The following HYDIN variants were observed in gnomAD, a reference collection of about 807,000 sequenced individuals.
The protein encoded by HYDIN is HYDIN axonemal central pair apparatus protein.
Under a neutral mutation model 403.9 loss-of-function variants are expected in HYDIN, and 132 were observed. The observed-to-expected ratio is 0.33, with a 90% CI of 0.28 to 0.38. The LOEUF is 0.38. Ranked by LOEUF, HYDIN falls within the 10% of genes least tolerant of loss-of-function variation. HYDIN has a pLI of 1.00. For synonymous variants in HYDIN, 1,202 were observed against 1,891.7 expected (o/e 0.64, Z 9.46); for missense variants, 2,827 against 5,009.5 (o/e 0.56, Z 13.15).
intron 58 of HYDIN, 27 bp from the exon 59 acceptor site, chr16:70,884,151 G>C (rs895563598): frequency 6.5e-7 from 1 of 1,540,852 alleles, no homozygotes; most frequent in Non-Finnish European, 8.8e-7. Context: ...GGAGGGATAG[G>C]AGGCTTGGAG....
At chr16:71,173,727 C>A (rs1420023885) in intron 5 of HYDIN, among the ~76,000 whole-genome samples, 1 of 152,078 alleles carries the variant, frequency 6.6e-6, no homozygotes, top group African/African-American at 2.4e-5. Context: ...CTGAAAAGCA[C>A]AAATATAAAT....
intron 16 of HYDIN, among the ~76,000 whole-genome samples, chr16:71,063,740 C>G (rs563954649): frequency 4.6e-5 from 7 of 152,262 alleles, no homozygotes; most frequent in Admixed American, 3.3e-4. Flanking sequence ...CTGTGTTATC[C>G]TAGCTAATTC....
At chr16:70,962,231 G>A (rs1430282560) in intron 37 of HYDIN, 93 bp from the exon 38 acceptor site, 7 of 719,972 alleles carry the variant, frequency 9.7e-6, no homozygotes, top group Non-Finnish European at 1.5e-5. Flanking sequence ...AGATGAAGAA[G>A]AGATTCACCA....
At chr16:71,152,855 G>C in intron 6 of HYDIN, 72 bp from the exon 7 acceptor site, 1 of 1,427,408 alleles carries the variant, frequency 7.0e-7, no homozygotes, top group Non-Finnish European at 9.7e-7. Context: ...AAAGGAGACA[G>C]GAGTTCTAGT....
chr16:71,061,462 G>A (rs1229977009), intron 17 of HYDIN, among the ~76,000 whole-genome samples: 1 of 152,272 alleles, frequency 6.6e-6, no homozygotes, highest in Non-Finnish European at 1.5e-5. Context: ...GGAATACAGA[G>A]CCTGTTGGGC....
intron 15 of HYDIN, chr16:71,067,019 C>T: frequency 1.5e-6 from 1 of 659,450 alleles, no homozygotes; most frequent in South Asian, 1.7e-5. Context: ...GAAAGTCAAA[C>T]CCGTTAGAGA....
chr16:71,129,312 T>TATCCTC (rs2144511410), intron 9 of HYDIN, among the ~76,000 whole-genome samples: 1 of 150,610 alleles, frequency 6.6e-6, no homozygotes, highest in South Asian at 2.2e-4. Context: ...TCTGTCTTAA[T>TATCCTC]ATCCTCATCT....
intron 49 of HYDIN, among the ~76,000 whole-genome samples, chr16:70,907,769 T>G (rs2076576068): frequency 6.6e-6 from 1 of 151,852 alleles, no homozygotes; most frequent in Admixed American, 6.6e-5. Context: ...CTGAAAACAT[T>G]CCTGAGAATC....
intron 4 of HYDIN, among the ~76,000 whole-genome samples, chr16:71,178,500 CAT>C (rs1339482553): frequency 6.8e-6 from 1 of 146,090 alleles, no homozygotes; most frequent in Non-Finnish European, 1.5e-5. Context: ...TACAGACATA[CAT>C]ATATATATGC....
chr16:71,229,806 T>C (rs1292432723), intron 1 of HYDIN, among the ~76,000 whole-genome samples: 1 of 152,238 alleles, frequency 6.6e-6, no homozygotes, highest in African/African-American at 2.4e-5. Context: ...TCATTCTACA[T>C]ACTTATTGCA....
In HYDIN at chr16:70,908,877, G is replaced by A. The variant is rs577262301; in HGVS notation, c.8005-16C>T. ...CCTCTTGAGCCTTAATTAAAAACGA[G>A]CATGAGGTCTTAAATATTCACTTTT... On this transcript the variant is annotated splice_polypyrimidine_tract_variant and intron_variant, in intron 47 of 85. Transcript: ENST00000393567. The A allele has an allele frequency of 1.9e-6, 3 of 1,610,252 alleles. No homozygotes were observed. The highest frequency in any genetic ancestry group is 2.2e-5 in the South Asian group (2 of 90,568).
At chr16:70,914,184 G>C (rs568331556) in intron 47 of HYDIN, among the ~76,000 whole-genome samples, 5 of 151,872 alleles carry the variant, frequency 3.3e-5, no homozygotes, top group African/African-American at 1.2e-4. Context: ...GTGTACCTTG[G>C]TTTTTTGCTT....
At chr16:71,022,962 T>C (rs1295249892) in intron 21 of HYDIN, among the ~76,000 whole-genome samples, 1 of 151,780 alleles carries the variant, frequency 6.6e-6, no homozygotes, top group Non-Finnish European at 1.5e-5. Context: ...TATTAGTGTT[T>C]ATGGGCTTAG....
intron 1 of HYDIN, among the ~76,000 whole-genome samples, chr16:71,205,420 G>A (rs117077730): frequency 6.6e-6 from 1 of 152,324 alleles, no homozygotes; most frequent in East Asian, 1.9e-4. Context: ...GGGAATGAGA[G>A]AATCATCCTG....
At chr16:70,814,826 C>CA (rs1243197183) in intron 84 of HYDIN, among the ~76,000 whole-genome samples, 1 of 150,724 alleles carries the variant, frequency 6.6e-6, no homozygotes, top group Non-Finnish European at 1.5e-5. Flanking sequence ...CTTAGATACA[C>CA]AGGTTACCTT....
In HYDIN at chr16:70,908,739, A is replaced by G; in HGVS notation, c.8127T>C (p.Ser2709=). The stretch of plus-strand genomic sequence containing the variant: ...GGGAAATGGTTCCAGCAGGTTCCCC[A>G]GAAAGGACCTTCCTGTTTAAGGCCA... The part of the protein sequence containing the change: ...RHMALNRKVL[S]GEPAGTISQL... Residue 2709 remains serine (S), a synonymous_variant, in exon 48 of 86, where the codon TCT becomes TCC. Transcript: ENST00000393567. 1 of 1,614,130 alleles carries G rather than the reference A, an allele frequency of 6.2e-7. No homozygotes were observed. The highest frequency in any genetic ancestry group is 8.5e-7 in the Non-Finnish European group (1 of 1,180,026).
At position 70,981,944 on chromosome 16, in the gene HYDIN, C is replaced by T. The variant is rs2656782; in HGVS notation, c.4333-376G>A. ...GAGATCGAGACTATCCTGGCTAACA[C>T]GGTAAAACCCCGTCTCTGCTAAAAA... On this transcript the variant is annotated intron_variant, in intron 28 of 85. Coordinates refer to ENST00000393567, the MANE Select transcript of HYDIN (RefSeq NM_001270974.2). Among the ~76,000 whole-genome samples, 18 of 151,976 alleles carry T rather than the reference C, an allele frequency of 1.2e-4. No individual in the cohort carries two copies. In the East Asian group the frequency reaches 2.5e-3, roughly 21 times the overall value.
intron 18 of HYDIN, among the ~76,000 whole-genome samples, chr16:71,055,181 T>C (rs1243945351): frequency 3.2e-4 from 49 of 152,290 alleles, no homozygotes; most frequent in Non-Finnish European, 5.4e-4. Context: ...GGCGGTTCAT[T>C]AGCGCAGAGG....
chr16:70,920,414 T>C (rs2076958032), intron 46 of HYDIN, among the ~76,000 whole-genome samples, 177 bp downstream of exon 46: 2 of 151,320 alleles, frequency 1.3e-5, no homozygotes, highest in Admixed American at 6.6e-5. Flanking sequence ...CTATGAATTT[T>C]CTCTTGCCAA....
Sources: gnomAD v4.1 joint callset for allele counts (sites outside exome capture counted in the v4.1 genomes callset) on GRCh38, gnomAD v4.1.1 for gene constraint, MANE v1.5 for transcripts, NCBI Gene and HGNC (gene_info 2026-07-23, HGNC 2026-07-21) for gene names.